SNTG1: variants seen among roughly 807,000 people sequenced by gnomAD.
SNTG1 encodes the protein syntrophin gamma 1, also known as gamma-1-syntrophin.
A neutral mutation model predicts 74.7 loss-of-function variants in SNTG1; 39 were observed. The observed-to-expected ratio is 0.52, with a 90% CI of 0.40 to 0.68. SNTG1 has a LOEUF of 0.68. Ranked by LOEUF, SNTG1 falls within the 30% of genes least tolerant of loss-of-function variation. The pLI is 0.00. For synonymous variants in SNTG1, 254 were observed against 217.1 expected (o/e 1.17, Z -1.49); for missense variants, 685 against 609.5 (o/e 1.12, Z -1.30).
chr8:50,246,684 G>A (rs2086415514), intron 2 of SNTG1, among the ~76,000 whole-genome samples: 1 of 152,032 alleles, frequency 6.6e-6, no homozygotes, highest in African/African-American at 2.4e-5. Context: ...AAGCTTTCTT[G>A]GGTATTTTTC....
At chr8:50,673,152 C>T (rs1305429642) in intron 15 of SNTG1, among the ~76,000 whole-genome samples, 1 of 152,090 alleles carries the variant, frequency 6.6e-6, no homozygotes, top group Non-Finnish European at 1.5e-5. Context: ...ATTGTCTTGG[C>T]TATAGAGGGT....
intron 2 of SNTG1, among the ~76,000 whole-genome samples, chr8:50,275,296 T>C (rs188142908): frequency 2.0e-5 from 3 of 152,356 alleles, no homozygotes; most frequent in Non-Finnish European, 2.9e-5. Flanking sequence ...TGATTACTTA[T>C]ATAGTTAGAT....
chr8:50,482,534 C>T (rs1243590530), intron 8 of SNTG1, among the ~76,000 whole-genome samples: 2 of 152,166 alleles, frequency 1.3e-5, no homozygotes, highest in Non-Finnish European at 1.5e-5. Flanking sequence ...GCACTCATTC[C>T]TCTAAAATCT....
intron 2 of SNTG1, among the ~76,000 whole-genome samples, chr8:50,203,767 T>G (rs536160362): frequency 1.8e-4 from 28 of 151,650 alleles, no homozygotes; most frequent in Non-Finnish European, 3.8e-4. Flanking sequence ...TGTGTTTCTG[T>G]GTGTGTGTGT....
At chr8:50,654,889 G>A (rs566025080) in intron 13 of SNTG1, among the ~76,000 whole-genome samples, 15 of 152,262 alleles carry the variant, frequency 9.9e-5, no homozygotes, top group African/African-American at 3.1e-4. Context: ...CTAAGTAAAA[G>A]CAGAGCATGT....
intron 1 of SNTG1, among the ~76,000 whole-genome samples, chr8:49,996,500 G>A (rs899268902): frequency 3.3e-5 from 5 of 151,726 alleles, no homozygotes; most frequent in African/African-American, 1.2e-4. Flanking sequence ...ACTGCATCTT[G>A]GAGAGAAATA....
chr8:50,657,786 T>G (rs2095192856), intron 14 of SNTG1, among the ~76,000 whole-genome samples: 1 of 152,168 alleles, frequency 6.6e-6, no homozygotes, highest in Non-Finnish European at 1.5e-5. Flanking sequence ...TTATATTCTA[T>G]ATCCTAGTTA....
At chr8:50,638,432 C>T (rs572901496) in intron 13 of SNTG1, among the ~76,000 whole-genome samples, 3 of 152,130 alleles carry the variant, frequency 2.0e-5, no homozygotes, top group African/African-American at 7.2e-5. Context: ...TCAAAGCTAT[C>T]ATATAATAAA....
intron 2 of SNTG1, among the ~76,000 whole-genome samples, chr8:50,358,793 G>A (rs1001285598): frequency 2.6e-5 from 4 of 152,126 alleles, no homozygotes; most frequent in African/African-American, 9.7e-5. Flanking sequence ...CACTTTCAAT[G>A]CAGATATGGT....
In SNTG1 at chr8:50,444,764, A is replaced by AAG. The variant is rs1554528647; in HGVS notation, c.220-4903_220-4902insGA. Among the ~76,000 whole-genome samples, 3 of 140,224 alleles carry AAG rather than the reference A, an allele frequency of 2.1e-5. 1 individual carries two copies. The highest frequency in any genetic ancestry group is 4.6e-5 in the Non-Finnish European group (3 of 65,646). 92.0% of individuals were successfully genotyped at this position (140,224 alleles called of 152,430 possible). ...GACTCCATCTCAGAAAAAAAAAAAA[A>AAG]AAAGAAAGAGATAACAAGCATACAG... On this transcript the variant is annotated intron_variant, in intron 5 of 18. Transcript: ENST00000642720.
intron 2 of SNTG1, among the ~76,000 whole-genome samples, chr8:50,229,374 T>C (rs1036377649): frequency 2.6e-5 from 4 of 151,350 alleles, no homozygotes; most frequent in African/African-American, 9.7e-5. Context: ...ATATAAAGAA[T>C]TAAATAGTTT....
chr8:50,779,168 A>T (rs1299225002), intron 18 of SNTG1, among the ~76,000 whole-genome samples: 1 of 152,138 alleles, frequency 6.6e-6, no homozygotes, highest in African/African-American at 2.4e-5. Context: ...TTGGCTTAGG[A>T]TGGACTTCGC....
intron 15 of SNTG1, among the ~76,000 whole-genome samples, chr8:50,696,047 T>C (rs1265488790): frequency 6.6e-6 from 1 of 152,002 alleles, no homozygotes; most frequent in Non-Finnish European, 1.5e-5. Context: ...CTCCATATTG[T>C]TTTCCATAAA....
chr8:50,289,217 C>T (rs1042939796), intron 2 of SNTG1, among the ~76,000 whole-genome samples: 31 of 152,148 alleles, frequency 2.0e-4, no homozygotes, highest in African/African-American at 6.3e-4. Context: ...ATAAAATTCA[C>T]TAATCTGCTA....
intron 8 of SNTG1, among the ~76,000 whole-genome samples, chr8:50,454,831 A>AAAG (rs1393219735): frequency 2.3e-5 from 3 of 130,100 alleles, no homozygotes; most frequent in Non-Finnish European, 4.7e-5. Flanking sequence ...GACAGAGCTA[A>AAAG]AAAAAAAAAA....
At chr8:50,721,787 G>A (rs2131592777) in intron 17 of SNTG1, among the ~76,000 whole-genome samples, 1 of 152,260 alleles carries the variant, frequency 6.6e-6, no homozygotes, top group East Asian at 1.9e-4. Context: ...AATAACTCTA[G>A]CTATTGCATA....
At chr8:50,553,278 T>G in intron 12 of SNTG1, 99 bp downstream of exon 12, 1 of 1,449,930 alleles carries the variant, frequency 6.9e-7, no homozygotes, top group Non-Finnish European at 9.4e-7. Flanking sequence ...GGTGTTCTTC[T>G]CAGAATGAGA....
intron 9 of SNTG1, among the ~76,000 whole-genome samples, chr8:50,513,770 A>T (rs571151266): frequency 1.4e-4 from 21 of 152,326 alleles, no homozygotes; most frequent in African/African-American, 5.1e-4. Flanking sequence ...GGAAAAGTGC[A>T]GTATTAGGGT....
intron 2 of SNTG1, among the ~76,000 whole-genome samples, chr8:50,327,689 A>G (rs1293517100): frequency 3.3e-5 from 5 of 152,076 alleles, no homozygotes; most frequent in Non-Finnish European, 7.4e-5. Context: ...AATGTCTATA[A>G]TATTTATTGT....
Sources: allele counts gnomAD v4.1 joint callset (sites outside exome capture counted in the v4.1 genomes callset), GRCh38; gene constraint gnomAD v4.1.1; transcripts MANE v1.5; gene names NCBI Gene and HGNC (gene_info 2026-07-23, HGNC 2026-07-21).